The following LRRTM4 variants were observed in gnomAD, a reference collection of about 807,000 sequenced individuals.
The protein encoded by LRRTM4 is leucine rich repeat transmembrane neuronal 4, also known as leucine-rich repeat transmembrane neuronal protein 4.
LRRTM4 carries 25 observed loss-of-function variants against 47.6 expected under a neutral mutation model. The ratio of observed to expected loss-of-function variants is 0.53; its 90% CI spans 0.38 to 0.73. The LOEUF is 0.73. LRRTM4 is among the 30% of genes least tolerant of loss of function. The probability of loss-of-function intolerance (pLI) is 0.00; values close to 1 mark genes in which losing one functional copy is unlikely to be tolerated. For missense variants in LRRTM4, 638 were observed against 713.4 expected, an observed-to-expected ratio of 0.89 and a Z score of 1.20; for synonymous variants, 311 against 269.5, an observed-to-expected ratio of 1.15 and a Z score of -1.51.
At chr2:77,006,859 C>T (rs1055021017) in intron 3 of LRRTM4, among the ~76,000 whole-genome samples, 2 of 152,036 alleles carry the variant, frequency 1.3e-5, no homozygotes, top group Non-Finnish European at 2.9e-5. Flanking sequence ...CAGAGCAGAC[C>T]TTAATCCTGT....
At chr2:77,353,680 CTTAAT>C (rs1190513646) in intron 3 of LRRTM4, among the ~76,000 whole-genome samples, 1 of 149,328 alleles carries the variant, frequency 6.7e-6, no homozygotes, top group Non-Finnish European at 1.5e-5. Context: ...AAGAATGCTG[CTTAAT>C]TTATTATTAT....
At chr2:77,316,126 G>A (rs142455169) in intron 3 of LRRTM4, among the ~76,000 whole-genome samples, 82 of 152,210 alleles carry the variant, frequency 5.4e-4, no homozygotes, top group African/African-American at 1.8e-3. Flanking sequence ...AGGCAAAATG[G>A]TTCTAGATTC....
At position 77,444,156 on chromosome 2, in the gene LRRTM4, C is replaced by A. The variant is rs377256580; in HGVS notation, c.1551+74162G>T. Among the ~76,000 whole-genome samples, 37 of 152,074 alleles carry A rather than the reference C, an allele frequency of 2.4e-4. No individual in the cohort carries two copies. In the South Asian group the frequency reaches 7.7e-3, roughly 32 times the overall value. On this transcript the variant is annotated intron_variant, in intron 3 of 3. Coordinates refer to ENST00000409884, the MANE Select transcript of LRRTM4 (RefSeq NM_001134745.3). ...GGAAGATGATAATTAAGAAATAAAG[C>A]TATTTCTTATCAATATAACACCCAA... is the stretch of plus-strand genomic sequence containing the variant.
intron 3 of LRRTM4, among the ~76,000 whole-genome samples, chr2:77,490,455 A>G (rs184614697): frequency 2.0e-3 from 299 of 152,266 alleles, no homozygotes; most frequent in Admixed American, 3.3e-3. Flanking sequence ...GAAAAGAAAC[A>G]CAATATCTCT....
Position 76,972,360 on chromosome 2 carries a change from ACT to A in LRRTM4, c.1552-223446_1552-223445del, listed in dbSNP as rs926912993. On this transcript the variant is annotated intron_variant, in intron 3 of 3. Coordinates refer to ENST00000409884, the MANE Select transcript of LRRTM4 (RefSeq NM_001134745.3). ...TAAAAGTACTTGGAAGTCACCTGTC[ACT>A]CTCTGCCTTGTGTATATCATCGGTA... Among the ~76,000 whole-genome samples the A allele has an allele frequency of 2.0e-5, 3 of 146,952 alleles. No homozygotes were observed. The Admixed American group carries it at 2.1e-4, about 10-fold the overall frequency.
chr2:77,063,892 T>G (rs1679872247), intron 3 of LRRTM4, among the ~76,000 whole-genome samples: 1 of 152,120 alleles, frequency 6.6e-6, no homozygotes, highest in African/African-American at 2.4e-5. Context: ...AATATTTCAC[T>G]AAAATAAAGA....
At chr2:77,282,883 T>A (rs1033708794) in intron 3 of LRRTM4, among the ~76,000 whole-genome samples, 21 of 152,034 alleles carry the variant, frequency 1.4e-4, no homozygotes, top group African/African-American at 5.1e-4. Flanking sequence ...CCTCGAAATA[T>A]AAGAATCCTA....
intron 3 of LRRTM4, among the ~76,000 whole-genome samples, chr2:76,766,457 T>C (rs1330602221): frequency 2.0e-5 from 3 of 152,190 alleles, no homozygotes; most frequent in Non-Finnish European, 4.4e-5. Flanking sequence ...CAACTCTAAA[T>C]TAATCCATGT....
chr2:77,144,797 G>T (rs1400771370), intron 3 of LRRTM4, among the ~76,000 whole-genome samples: 1 of 152,072 alleles, frequency 6.6e-6, no homozygotes, highest in East Asian at 1.9e-4. Flanking sequence ...CAAATAAAGA[G>T]ATTCAGCAAT....
At chr2:77,009,200 A>AAC (rs1317274006) in intron 3 of LRRTM4, 1 of 152,154 alleles carries the variant, frequency 6.6e-6, no homozygotes, top group African/African-American at 2.4e-5. Context: ...CTCATGGACC[A>AAC]ACACAAAGGA....
chr2:77,307,090 C>T (rs1385010621), intron 3 of LRRTM4, among the ~76,000 whole-genome samples: 2 of 151,478 alleles, frequency 1.3e-5, no homozygotes, highest in Admixed American at 1.3e-4. Context: ...TTAGTAGAGA[C>T]GGGGTTTCAC....
chr2:77,050,183 G>A (rs937689857), intron 3 of LRRTM4, among the ~76,000 whole-genome samples: 1 of 144,438 alleles, frequency 6.9e-6, no homozygotes, highest in Non-Finnish European at 1.5e-5. Context: ...ATACAATCAG[G>A]GAATTTTATG....
intron 3 of LRRTM4, among the ~76,000 whole-genome samples, chr2:76,797,796 A>G (rs1012236366): frequency 6.6e-6 from 1 of 151,202 alleles, no homozygotes; most frequent in African/African-American, 2.4e-5. Context: ...GGAAAACAAA[A>G]AAAGGCAGGG....
chr2:76,801,794 C>T (rs956351440), intron 3 of LRRTM4, among the ~76,000 whole-genome samples: 1 of 152,030 alleles, frequency 6.6e-6, no homozygotes, highest in Non-Finnish European at 1.5e-5. Context: ...GAGATTTATG[C>T]CTAGGAAGCA....
At chr2:77,224,836 C>T (rs952530662) in intron 3 of LRRTM4, among the ~76,000 whole-genome samples, 6 of 152,044 alleles carry the variant, frequency 3.9e-5, no homozygotes, top group African/African-American at 1.5e-4. Flanking sequence ...ACTAGAAATA[C>T]CATTTGACCC....
chr2:77,019,253 C>CAAAAAAAAAAA (rs56028060), intron 3 of LRRTM4, among the ~76,000 whole-genome samples: 2 of 80,550 alleles, frequency 2.5e-5, no homozygotes, highest in Non-Finnish European at 2.5e-5. Context: ...CACTGCTCTA[C>CAAAAAAAAAAA]AAAAAAAAAA....
chr2:77,433,345 C>A lies in LRRTM4; in HGVS notation c.1551+84973G>T, dbSNP rs146868772. Among the ~76,000 whole-genome samples, 53 of 152,082 alleles carry A rather than the reference C, an allele frequency of 3.5e-4. 1 individual carries two copies. In the Middle Eastern group the frequency reaches 0.017, roughly 49 times the overall value. On this transcript the variant is annotated intron_variant, in intron 3 of 3. Coordinates refer to ENST00000409884, the MANE Select transcript of LRRTM4 (RefSeq NM_001134745.3). Reference sequence around the variant, plus strand: ...GGCAGTATGAGGAAGATATGATGTGCAGGGAGGCTATAATATTATATTTTG... The same window carrying A: ...GGCAGTATGAGGAAGATATGATGTGAAGGGAGGCTATAATATTATATTTTG...
intron 3 of LRRTM4, among the ~76,000 whole-genome samples, chr2:76,979,571 T>G (rs1396119871): frequency 1.0e-5 from 1 of 99,760 alleles, no homozygotes; most frequent in African/African-American, 5.9e-5. Context: ...TCTATATATA[T>G]ATATAGAGAG....
intron 3 of LRRTM4, among the ~76,000 whole-genome samples, chr2:76,844,897 A>G (rs1671794251): frequency 6.6e-6 from 1 of 152,124 alleles, no homozygotes; most frequent in Admixed American, 6.6e-5. Flanking sequence ...GAAATGAAAA[A>G]AGGATTATTT....
Sources: allele counts gnomAD v4.1 joint callset (sites outside exome capture counted in the v4.1 genomes callset), GRCh38; gene constraint gnomAD v4.1.1; transcripts MANE v1.5; gene names NCBI Gene and HGNC (gene_info 2026-07-23, HGNC 2026-07-21).